MLIP: variants seen among roughly 807,000 people sequenced by gnomAD.
The protein encoded by MLIP is muscular LMNA-interacting protein.
Under a neutral mutation model 84.8 loss-of-function variants are expected in MLIP, and 79 were observed. The ratio of observed to expected loss-of-function variants is 0.93; its 90% CI spans 0.78 to 1.12. The LOEUF is 1.12. Ranked by LOEUF, MLIP falls within the 50% of genes most tolerant of loss-of-function variation. MLIP has a pLI of 0.00. For synonymous variants in MLIP, 504 were observed against 463.0 expected, an observed-to-expected ratio of 1.09 and a Z score of -1.14; for missense variants, 1,257 against 1,160.6, an observed-to-expected ratio of 1.08 and a Z score of -1.21.
chr6:54,177,594 TG>T (rs931118141), intron 9 of MLIP, among the ~76,000 whole-genome samples: 2 of 152,170 alleles, frequency 1.3e-5, no homozygotes, highest in African/African-American at 4.8e-5. Context: ...ACACTGTTGG[TG>T]GGAATGTAAA....
intron 1 of MLIP, among the ~76,000 whole-genome samples, chr6:54,083,091 A>G (rs1767267512): frequency 6.6e-6 from 1 of 152,154 alleles, no homozygotes; most frequent in Admixed American, 6.5e-5. Flanking sequence ...ATTTGAGAGT[A>G]CCAGTTAATT....
chr6:54,216,188 T>C, intron 11 of MLIP: 2 of 985,336 alleles, frequency 2.0e-6, no homozygotes, highest in African/African-American at 1.7e-5. Flanking sequence ...TCATTTCCTT[T>C]AGAATCACTT....
chr6:54,132,906 A>G (rs946033082), intron 3 of MLIP, among the ~76,000 whole-genome samples: 3 of 152,138 alleles, frequency 2.0e-5, no homozygotes, highest in Non-Finnish European at 4.4e-5. Context: ...AAGTGGTATC[A>G]ATTTTCTTTT....
At chr6:54,238,247 A>G (rs79617515) in intron 12 of MLIP, among the ~76,000 whole-genome samples, 3,714 of 152,244 alleles carry the variant, frequency 0.024, 152 homozygotes, top group African/African-American at 0.085. Flanking sequence ...TGAGAAAACT[A>G]ACACACACAT....
intron 13 of MLIP, among the ~76,000 whole-genome samples, chr6:54,260,537 A>C (rs548554994): frequency 2.1e-3 from 312 of 152,134 alleles, no homozygotes; most frequent in African/African-American, 6.5e-3. Flanking sequence ...CTTCATTGGC[A>C]GTCTAGGAAG....
chr6:54,225,602 T>C (rs2754787), intron 11 of MLIP, among the ~76,000 whole-genome samples: 152,253 of 152,316 alleles, frequency 1, 76,095 homozygotes, highest in Non-Finnish European at 1. Context: ...AAACTTCAGC[T>C]CAAACTCAGT....
intron 1 of MLIP, among the ~76,000 whole-genome samples, chr6:54,093,496 A>G (rs9382285): frequency 0.068 from 10,340 of 152,224 alleles, 587 homozygotes; most frequent in East Asian, 0.33. Context: ...TGTGTTTTAC[A>G]GATGGGAAAT....
At chr6:54,160,871 A>G in intron 8 of MLIP, 72 bp downstream of exon 8, 5 of 1,254,904 alleles carry the variant, frequency 4.0e-6, no homozygotes, top group Non-Finnish European at 4.6e-6. Context: ...ACTGCAAGTC[A>G]AGGTCCAATA....
At chr6:54,139,911 G>A (rs1582251053) in intron 4 of MLIP, among the ~76,000 whole-genome samples, 1 of 151,888 alleles carries the variant, frequency 6.6e-6, no homozygotes, top group Non-Finnish European at 1.5e-5. Context: ...TATAATTTTG[G>A]GGTCATTTAA....
intron 1 of MLIP, among the ~76,000 whole-genome samples, chr6:54,063,066 C>T (rs930582976): frequency 6.6e-6 from 1 of 151,860 alleles, no homozygotes; most frequent in Non-Finnish European, 1.5e-5. Context: ...ATTATCCGGT[C>T]GTGGTGGCGT....
rs747622191 is a variant in MLIP at position 54,189,831 on chromosome 6, A to G, written c.2545-39A>G. ...AAACACATACATATTTTAATAAATT[A>G]TGAGTTTCACTAATAAATGCCATGT... is the stretch of plus-strand genomic sequence containing the variant. On this transcript the variant is annotated intron_variant, in intron 9 of 13. Transcript: ENST00000502396. 75 of 1,445,944 alleles carry G rather than the reference A, an allele frequency of 5.2e-5. 2 individuals are homozygous for G. The Admixed American group carries it at 1.2e-3, about 23-fold the overall frequency. The allele number at this position is 1,445,944 out of a possible 1,614,324, so 89.6% of individuals were successfully genotyped here.
chr6:54,059,653 C>CACG (rs1765852430), intron 1 of MLIP, among the ~76,000 whole-genome samples: 1 of 152,102 alleles, frequency 6.6e-6, no homozygotes, highest in Admixed American at 6.6e-5. Context: ...ACCCTGGATT[C>CACG]ACGAATGTAT....
At chr6:54,051,616 A>G (rs931260854) in intron 1 of MLIP, among the ~76,000 whole-genome samples, 1 of 152,102 alleles carries the variant, frequency 6.6e-6, no homozygotes, top group Non-Finnish European at 1.5e-5. Flanking sequence ...TTAGGGGACT[A>G]TGACACATAG....
At chr6:54,056,540 G>C (rs537742939) in intron 1 of MLIP, among the ~76,000 whole-genome samples, 1 of 152,300 alleles carries the variant, frequency 6.6e-6, no homozygotes, top group South Asian at 2.1e-4. Flanking sequence ...ACCCAGGAGT[G>C]AGAGACCTCT....
chr6:54,181,147 G>C (rs140246782), intron 9 of MLIP, among the ~76,000 whole-genome samples: 1 of 152,000 alleles, frequency 6.6e-6, no homozygotes, highest in Non-Finnish European at 1.5e-5. Flanking sequence ...TGGGAGACAG[G>C]GTTTAGAGTC....
At chr6:54,204,109 C>G (rs1472294082) in intron 11 of MLIP, among the ~76,000 whole-genome samples, 2 of 152,114 alleles carry the variant, frequency 1.3e-5, no homozygotes, top group Admixed American at 1.3e-4. Context: ...TTTATATACA[C>G]TTTCTGAGAA....
At chr6:54,215,285 A>G in intron 11 of MLIP, 2 of 1,470,548 alleles carry the variant, frequency 1.4e-6, no homozygotes, top group Non-Finnish European at 1.8e-6. Flanking sequence ...AGACGATGAT[A>G]GAATTCAATG....
intron 4 of MLIP, among the ~76,000 whole-genome samples, chr6:54,143,575 G>C (rs1772518604): frequency 6.6e-6 from 1 of 152,090 alleles, no homozygotes; most frequent in African/African-American, 2.4e-5. Context: ...GGAAAAAACA[G>C]GGATCAAGAT....
intron 1 of MLIP, among the ~76,000 whole-genome samples, chr6:54,119,443 C>T (rs1770243168): frequency 6.6e-6 from 1 of 152,098 alleles, no homozygotes; most frequent in Non-Finnish European, 1.5e-5. Context: ...TATAGAAAGA[C>T]AAATACTGCA....
Sources: allele counts gnomAD v4.1 joint callset (sites outside exome capture counted in the v4.1 genomes callset), GRCh38; gene constraint gnomAD v4.1.1; transcripts MANE v1.5; gene names NCBI Gene and HGNC (gene_info 2026-07-23, HGNC 2026-07-21).